Variants in NEDD4L observed in about 807,000 individuals in gnomAD.
The protein encoded by NEDD4L is NEDD4 like E3 ubiquitin protein ligase, also known as E3 ubiquitin-protein ligase NEDD4-like.
Under a neutral mutation model 148.9 loss-of-function variants are expected in NEDD4L, and 54 were observed. That is an observed-to-expected ratio of 0.36 (90% CI 0.29 to 0.45). The LOEUF is 0.45. Ranked by LOEUF, NEDD4L falls within the 20% of genes least tolerant of loss-of-function variation. The probability of loss-of-function intolerance (pLI) is 1.00; values close to 1 mark genes in which losing one functional copy is unlikely to be tolerated. For missense variants in NEDD4L, 856 were observed against 1,233.8 expected, an observed-to-expected ratio of 0.69 and a Z score of 4.59; for synonymous variants, 433 against 440.7, an observed-to-expected ratio of 0.98 and a Z score of 0.22.
intron 22 of NEDD4L, among the ~76,000 whole-genome samples, chr18:58,368,741 T>C (rs928005540): frequency 3.3e-5 from 5 of 152,262 alleles, no homozygotes; most frequent in African/African-American, 1.2e-4. Flanking sequence ...ATATTGATGC[T>C]CTGATTTTGT....
At chr18:58,278,180 A>G (rs530386690) in intron 5 of NEDD4L, among the ~76,000 whole-genome samples, 1 of 152,218 alleles carries the variant, frequency 6.6e-6, no homozygotes, top group Non-Finnish European at 1.5e-5. Flanking sequence ...TAAGAAATTC[A>G]GATAGGCTTT....
At chr18:58,370,183 A>G (rs2046663249) in intron 22 of NEDD4L, among the ~76,000 whole-genome samples, 1 of 151,490 alleles carries the variant, frequency 6.6e-6, no homozygotes, top group African/African-American at 2.4e-5. Context: ...TTCTGGCCCC[A>G]CTCTGCTGCG....
intron 13 of NEDD4L, among the ~76,000 whole-genome samples, chr18:58,340,071 G>A (rs72942838): frequency 0.036 from 5,537 of 152,170 alleles, 163 homozygotes; most frequent in Non-Finnish European, 0.051. Context: ...AGCTGTGGTC[G>A]GCTTCTGGTT....
At chr18:58,082,098 ATATATTTT>A (rs1220261293) in intron 1 of NEDD4L, among the ~76,000 whole-genome samples, 23 of 73,238 alleles carry the variant, frequency 3.1e-4, no homozygotes, top group African/African-American at 2.1e-3. Flanking sequence ...ATATATATAT[ATATATTTT>A]TTTTTTTTTT....
intron 2 of NEDD4L, among the ~76,000 whole-genome samples, chr18:58,181,547 T>A (rs1298970290): frequency 1.3e-5 from 2 of 152,080 alleles, no homozygotes; most frequent in East Asian, 3.9e-4. Context: ...CCTTCCCACG[T>A]TAGACTCCCA....
chr18:58,290,924 C>T (rs931164791), intron 5 of NEDD4L, among the ~76,000 whole-genome samples: 2 of 152,138 alleles, frequency 1.3e-5, no homozygotes, highest in Non-Finnish European at 2.9e-5. Context: ...TAACACATTC[C>T]CAAGTTTATT....
At chr18:58,215,655 A>G (rs1599799631) in intron 2 of NEDD4L, among the ~76,000 whole-genome samples, 1 of 152,224 alleles carries the variant, frequency 6.6e-6, no homozygotes. Flanking sequence ...TCTGTTAAAA[A>G]CAAGAAGGAA....
At chr18:58,075,091 T>C (rs1476711399) in intron 1 of NEDD4L, among the ~76,000 whole-genome samples, 1 of 152,236 alleles carries the variant, frequency 6.6e-6, no homozygotes, top group Non-Finnish European at 1.5e-5. Flanking sequence ...GGAGGGAGCA[T>C]GCTTTGAACA....
rs1478849700 is a variant in NEDD4L, at chr18:58,252,011, C to T, written c.254C>T (p.Ser85Phe). ...NEEFYFRVNP[S>F]NHRLLFEVFD... The stretch of plus-strand genomic sequence containing the variant: ...TTATGTTCCTTATAGGTAAACCCAT[C>T]TAATCACAGACTCCTATTTGAAGTA... The change falls in exon 5 of 31, where the codon TCT (serine) becomes TTT (phenylalanine). Residue 85 changes from serine to phenylalanine, a missense_variant. This residue lies in a region of NEDD4L where 193 missense variants were observed against 244.2 expected (regional missense o/e 0.79). Coordinates refer to ENST00000400345, the MANE Select transcript of NEDD4L (RefSeq NM_001144967.3). 1.9e-6 allele frequency: 3 copies of T among 1,575,334 alleles called. No homozygotes were observed. Among genetic ancestry groups the T allele is most frequent in the Non-Finnish European group, 2.6e-6 (3 of 1,144,916 alleles).
chr18:58,069,916 C>T (rs1407109811), intron 1 of NEDD4L, among the ~76,000 whole-genome samples: 1 of 152,208 alleles, frequency 6.6e-6, no homozygotes, highest in Non-Finnish European at 1.5e-5. Flanking sequence ...CCCCTGACCA[C>T]CTCCTTGGTG....
rs191413097 is a variant in NEDD4L, at chr18:58,390,303, T to C, written c.2656-343T>C. On this transcript the variant is annotated intron_variant, in intron 28 of 30. Coordinates refer to ENST00000400345, the MANE Select transcript of NEDD4L (RefSeq NM_001144967.3). ...CTCATAACCTGGCTTCCCCTTGTGATGACAAATCTTAAATACTGTATATTT... is the reference window on the plus strand; with the variant it reads ...CTCATAACCTGGCTTCCCCTTGTGACGACAAATCTTAAATACTGTATATTT... The C allele has an allele frequency of 1.6e-3, 279 of 174,578 alleles. 1 individual carries two copies. Among genetic ancestry groups the C allele is most frequent in the African/African-American group, 6.1e-3 (259 of 42,492 alleles). 10.8% of individuals were successfully genotyped at this position (174,578 alleles called of 1,614,324 possible).
intron 1 of NEDD4L, among the ~76,000 whole-genome samples, chr18:58,095,132 C>A (rs1292486944): frequency 6.6e-6 from 1 of 152,112 alleles, no homozygotes; most frequent in Non-Finnish European, 1.5e-5. Flanking sequence ...TTGTTTTATT[C>A]CTATGTTCTT....
At position 58,218,723 on chromosome 18, in the gene NEDD4L, G is replaced by A. The variant is rs73452680; in HGVS notation, c.123-26704G>A. Reference sequence around the variant, plus strand: ...ATTACCCAGCCACAAAATGTCAGTAGTGCCCCGGTAAAAGAAAGCTGGTTT... The same window carrying A: ...ATTACCCAGCCACAAAATGTCAGTAATGCCCCGGTAAAAGAAAGCTGGTTT... On this transcript the variant is annotated intron_variant, in intron 2 of 30. Transcript: ENST00000400345. Among the ~76,000 whole-genome samples, 812 of 152,300 alleles carry A rather than the reference G, an allele frequency of 5.3e-3. 6 individuals are homozygous for A. The highest frequency in any genetic ancestry group is 0.017 in the African/African-American group (717 of 41,550).
chr18:58,098,046 A>G (rs528531509), intron 1 of NEDD4L, among the ~76,000 whole-genome samples: 2 of 152,202 alleles, frequency 1.3e-5, no homozygotes, highest in Non-Finnish European at 2.9e-5. Context: ...CAACAAAAAC[A>G]AAAACCAAAA....
chr18:58,264,009 A>G (rs551747288), intron 5 of NEDD4L, among the ~76,000 whole-genome samples: 2 of 152,244 alleles, frequency 1.3e-5, no homozygotes, highest in African/African-American at 4.8e-5. Flanking sequence ...TGCCTTAAGC[A>G]TAGTATCTGT....
At chr18:58,232,491 T>A (rs892063180) in intron 2 of NEDD4L, among the ~76,000 whole-genome samples, 1 of 152,208 alleles carries the variant, frequency 6.6e-6, no homozygotes, top group Non-Finnish European at 1.5e-5. Context: ...TGGGCTTCAT[T>A]CTTTCTATAA....
intron 2 of NEDD4L, among the ~76,000 whole-genome samples, chr18:58,185,192 T>C (rs1050487028): frequency 2.4e-4 from 36 of 152,156 alleles, no homozygotes; most frequent in African/African-American, 8.4e-4. Flanking sequence ...GAGGTCTTAA[T>C]TGTGATCGGA....
chr18:58,286,989 G>C (rs493621), intron 5 of NEDD4L, among the ~76,000 whole-genome samples: 4 of 152,120 alleles, frequency 2.6e-5, no homozygotes, highest in Admixed American at 2.6e-4. Flanking sequence ...TATTTGCCCA[G>C]AATGAACAAC....
chr18:58,094,809 A>G (rs1251133755), intron 1 of NEDD4L, among the ~76,000 whole-genome samples: 1 of 150,680 alleles, frequency 6.6e-6, no homozygotes, highest in Non-Finnish European at 1.5e-5. Context: ...AGTTGAAGGT[A>G]TGGGCTAGAA....
Sources: gnomAD v4.1 joint callset for allele counts (sites outside exome capture counted in the v4.1 genomes callset) on GRCh38, gnomAD v4.1.1 for gene constraint, gnomAD v4.1.1 regional missense constraint, MANE v1.5 for transcripts, NCBI Gene and HGNC (gene_info 2026-07-23, HGNC 2026-07-21) for gene names.